The following TLK2 variants were observed in gnomAD, a reference collection of about 807,000 sequenced individuals.
TLK2 encodes serine/threonine-protein kinase tousled-like 2.
Under a neutral mutation model 117.3 loss-of-function variants are expected in TLK2, and 6 were observed. The ratio of observed to expected loss-of-function variants is 0.05; its 90% confidence interval spans 0.03 to 0.10. The LOEUF (loss-of-function observed/expected upper bound fraction) is 0.10. Ranked by LOEUF, TLK2 falls within the 10% of genes least tolerant of loss-of-function variation. TLK2 has a pLI of 1.00. For missense variants in TLK2, 299 were observed against 901.2 expected (o/e 0.33, Z 8.56); for synonymous variants, 257 against 316.7 (o/e 0.81, Z 2.00).
intron 10 of TLK2, among the ~76,000 whole-genome samples, chr17:62,563,568 G>T (rs1598610038): frequency 6.6e-6 from 1 of 152,208 alleles, no homozygotes; most frequent in African/African-American, 2.4e-5. Flanking sequence ...TAAATTGCCT[G>T]TTGGTTGAAA....
intron 7 of TLK2, among the ~76,000 whole-genome samples, chr17:62,548,240 A>ATATATGTG (rs368516607): frequency 6.6e-4 from 80 of 121,292 alleles, no homozygotes; most frequent in African/African-American, 1.8e-3. Context: ...ATATATATAT[A>ATATATGTG]TGTGTGTGTG....
intron 17 of TLK2, among the ~76,000 whole-genome samples, chr17:62,598,571 C>T (rs184155432): frequency 2.6e-5 from 4 of 151,890 alleles, no homozygotes; most frequent in African/African-American, 9.7e-5. Flanking sequence ...GTTGCCCAGG[C>T]TGGAGTTCAG....
intron 1 of TLK2, among the ~76,000 whole-genome samples, chr17:62,471,417 C>G (rs1366921359): frequency 6.6e-6 from 1 of 152,144 alleles, no homozygotes; most frequent in African/African-American, 2.4e-5. Flanking sequence ...GAAGATTTCC[C>G]CATAGCCTTT....
chr17:62,602,299 G>A lies in TLK2; in HGVS notation c.1859+119G>A. ...CTAGGCAAAAATGCCATAAACCAAA[G>A]CAGACTTTCTCCCCAAATCATTACT... On this transcript the variant is annotated intron_variant, in intron 19 of 21. Coordinates refer to ENST00000346027, the MANE Select transcript of TLK2 (RefSeq NM_006852.6). 4 of 976,636 alleles carry A rather than the reference G, an allele frequency of 4.1e-6. No individual in the cohort carries two copies. The Admixed American group carries it at 1.3e-4, about 31-fold the overall frequency. 60.5% of individuals were successfully genotyped at this position (976,636 alleles called of 1,614,324 possible). A position where few individuals can be genotyped will look rare whatever the true frequency, so the allele number is the denominator to read the frequency against.
intron 16 of TLK2, among the ~76,000 whole-genome samples, chr17:62,591,356 T>TA (rs1295737034): frequency 1.3e-5 from 2 of 150,108 alleles, no homozygotes; most frequent in Non-Finnish European, 1.5e-5. Context: ...TATATGTAAT[T>TA]TAAAAAAAAA....
intron 2 of TLK2, among the ~76,000 whole-genome samples, chr17:62,488,664 T>C (rs1172827733): frequency 6.6e-6 from 1 of 152,198 alleles, no homozygotes; most frequent in Non-Finnish European, 1.5e-5. Flanking sequence ...TAATCCAGAC[T>C]GTTTTTATTC....
chr17:62,472,822 G>T (rs1448505099), intron 1 of TLK2, among the ~76,000 whole-genome samples: 1 of 151,718 alleles, frequency 6.6e-6, no homozygotes, highest in African/African-American at 2.4e-5. Flanking sequence ...GATAGGGAAA[G>T]TACAACTCCC....
At chr17:62,584,022 A>C (rs775292760) in intron 15 of TLK2, among the ~76,000 whole-genome samples, 5 of 151,692 alleles carry the variant, frequency 3.3e-5, no homozygotes, top group Admixed American at 6.6e-5. Context: ...ATAGAAGTAC[A>C]GTGTAGTAGT....
chr17:62,594,557 T>G (rs1460060347), intron 16 of TLK2, among the ~76,000 whole-genome samples: 1 of 152,176 alleles, frequency 6.6e-6, no homozygotes, highest in Non-Finnish European at 1.5e-5. Flanking sequence ...TGTGGCATAT[T>G]CCTGGTCACA....
At chr17:62,571,611 C>G (rs2080297056) in intron 11 of TLK2, among the ~76,000 whole-genome samples, 1 of 152,124 alleles carries the variant, frequency 6.6e-6, no homozygotes, top group Admixed American at 6.5e-5. Flanking sequence ...AATCAGTGAC[C>G]TGGCTCATCT....
upstream of TLK2, among the ~76,000 whole-genome samples, chr17:62,478,683 GAC>G (rs747388283): frequency 5.7e-4 from 12 of 21,008 alleles, no homozygotes; most frequent in Admixed American, 1.4e-3. Flanking sequence ...GGGCAGCGGG[GAC>G]CCCCCCCCAC....
At chr17:62,531,751 G>C (rs1340500889) in intron 6 of TLK2, among the ~76,000 whole-genome samples, 1 of 152,028 alleles carries the variant, frequency 6.6e-6, no homozygotes, top group Non-Finnish European at 1.5e-5. Flanking sequence ...CTTATATTTT[G>C]TTTAGTTTAT....
At position 62,571,083 on chromosome 17, in the gene TLK2, A is replaced by T. The variant is rs958698700; in HGVS notation, c.969-2132A>T. Among the ~76,000 whole-genome samples, 4 of 152,298 alleles carry T rather than the reference A, an allele frequency of 2.6e-5. No homozygotes were observed. In the East Asian group the frequency reaches 7.7e-4, roughly 29 times the overall value. ...GGAAATTCATGTTCAGTTAAGGTAA[A>T]TGTTTTCTCCAGAATAAAGATTGTG... On this transcript the variant is annotated intron_variant, in intron 11 of 21. Transcript: ENST00000346027.
At chr17:62,530,318 T>C (rs576851685) in intron 6 of TLK2, among the ~76,000 whole-genome samples, 1 of 151,996 alleles carries the variant, frequency 6.6e-6, no homozygotes, top group South Asian at 2.1e-4. Flanking sequence ...ATTTAAAAAT[T>C]AGCCAGGCAT....
rs769328785 is a variant in TLK2 at position 62,578,467 on chromosome 17, T to C, written c.1189-10T>C. ...CCTATTTTGTGCTATTTCTTTCCTTTTCGCTTTAGGAGGAAGCAGAGATCC... is the reference window on the plus strand; with the variant it reads ...CCTATTTTGTGCTATTTCTTTCCTTCTCGCTTTAGGAGGAAGCAGAGATCC... On this transcript the variant is annotated splice_polypyrimidine_tract_variant and intron_variant, in intron 13 of 21. Transcript: ENST00000346027. 6 of 1,612,714 alleles carry C rather than the reference T, an allele frequency of 3.7e-6. No individual in the cohort carries two copies. In the South Asian group the frequency reaches 6.6e-5, roughly 18 times the overall value.
rs114573846 is a variant in TLK2 at position 62,566,335 on chromosome 17, A to G, written c.968+1198A>G. ...TAATAATGAAACAAATAAGAAACTT[A>G]TGCCTGAAAGAAAATACAAATATTG... On this transcript the variant is annotated intron_variant, in intron 11 of 21. Coordinates refer to ENST00000346027, the MANE Select transcript of TLK2 (RefSeq NM_006852.6). Among the ~76,000 whole-genome samples the G allele has an allele frequency of 5.2e-3, 796 of 152,318 alleles. 5 individuals are homozygous for G. The highest frequency in any genetic ancestry group is 0.018 in the African/African-American group (757 of 41,570).
intron 2 of TLK2, among the ~76,000 whole-genome samples, chr17:62,511,252 G>T (rs539167291): frequency 1.3e-5 from 2 of 152,144 alleles, no homozygotes; most frequent in Non-Finnish European, 2.9e-5. Flanking sequence ...TTCCTGCTAC[G>T]CGTTTGTAGC....
chr17:62,515,187 A>G (rs1032686465), intron 2 of TLK2, among the ~76,000 whole-genome samples: 8 of 152,242 alleles, frequency 5.3e-5, no homozygotes, highest in Non-Finnish European at 1.2e-4. Flanking sequence ...TGTAGAATGT[A>G]GAATTTCATG....
chr17:62,590,736 G>A (rs1233060201), intron 16 of TLK2, among the ~76,000 whole-genome samples: 3 of 151,982 alleles, frequency 2.0e-5, no homozygotes, highest in South Asian at 2.1e-4. Flanking sequence ...ACTTCAGCCC[G>A]CCAAAGTGCT....
Sources: allele counts gnomAD v4.1 joint callset (sites outside exome capture counted in the v4.1 genomes callset), GRCh38; gene constraint gnomAD v4.1.1; transcripts MANE v1.5; gene names NCBI Gene and HGNC (gene_info 2026-07-23, HGNC 2026-07-21).